The following PPP6R3 variants were observed in gnomAD, a reference collection of about 807,000 sequenced individuals.
PPP6R3 encodes protein phosphatase 6 regulatory subunit 3.
PPP6R3 carries 38 observed loss-of-function variants against 110.7 expected under a neutral mutation model. That is an observed-to-expected ratio of 0.34 (90% CI 0.26 to 0.45). The LOEUF (loss-of-function observed/expected upper bound fraction) is 0.45, where lower values mean the gene tolerates loss of function less well. PPP6R3 is among the 20% of genes least tolerant of loss of function. The pLI is 1.00. For synonymous variants in PPP6R3, 369 were observed against 373.5 expected, an observed-to-expected ratio of 0.99 and a Z score of 0.14; for missense variants, 870 against 1,062.4, an observed-to-expected ratio of 0.82 and a Z score of 2.52.
chr11:68,565,630 T>G (rs2099460634), intron 9 of PPP6R3, among the ~76,000 whole-genome samples: 1 of 151,906 alleles, frequency 6.6e-6, no homozygotes, highest in South Asian at 2.1e-4. Flanking sequence ...GTGTCTTAGG[T>G]GGCCCACCCA....
At chr11:68,546,391 AG>A (rs2099349330) in intron 4 of PPP6R3, among the ~76,000 whole-genome samples, 1 of 152,202 alleles carries the variant, frequency 6.6e-6, no homozygotes, top group Non-Finnish European at 1.5e-5. Flanking sequence ...TTGGAATCCA[AG>A]TTGGCGAGCC....
At chr11:68,587,227 C>G (rs2099581637) in intron 15 of PPP6R3, 1 of 143,926 alleles carries the variant, frequency 6.9e-6, no homozygotes, top group South Asian at 2.4e-4. Context: ...CTGGTACTCT[C>G]TAGATTTGGT....
At chr11:68,505,800 T>C (rs1592190292) in intron 1 of PPP6R3, among the ~76,000 whole-genome samples, 1 of 151,964 alleles carries the variant, frequency 6.6e-6, no homozygotes, top group African/African-American at 2.4e-5. Context: ...AGCCGTAGAG[T>C]GTTTCCCTTT....
intron 14 of PPP6R3, among the ~76,000 whole-genome samples, chr11:68,576,530 A>T (rs902010622): frequency 6.6e-6 from 1 of 152,208 alleles, no homozygotes; most frequent in Non-Finnish European, 1.5e-5. Flanking sequence ...AAATTTTTTT[A>T]CCAGAATTGG....
chr11:68,511,832 T>C (rs1215530541), intron 1 of PPP6R3, among the ~76,000 whole-genome samples: 2 of 152,188 alleles, frequency 1.3e-5, no homozygotes, highest in African/African-American at 2.4e-5. Flanking sequence ...ATCACTAATT[T>C]AGCCTCAGAC....
chr11:68,497,510 G>A (rs796489414), intron 1 of PPP6R3, among the ~76,000 whole-genome samples: 33 of 151,990 alleles, frequency 2.2e-4, no homozygotes, highest in African/African-American at 6.0e-4. Context: ...ATGCTACCAC[G>A]CCTGACTGAT....
At chr11:68,579,373 A>C (rs1018558337) in intron 14 of PPP6R3, among the ~76,000 whole-genome samples, 2 of 152,236 alleles carry the variant, frequency 1.3e-5, no homozygotes, top group African/African-American at 4.8e-5. Flanking sequence ...CAGTTAACAA[A>C]ACGAAAATTT....
chr11:68,487,569 A>T (rs2098956055), intron 1 of PPP6R3, among the ~76,000 whole-genome samples: 1 of 146,164 alleles, frequency 6.8e-6, no homozygotes, highest in South Asian at 2.1e-4. Flanking sequence ...GACTGCCTCA[A>T]AAAAAAAAAA....
chr11:68,489,709 CT>C (rs561481278), intron 1 of PPP6R3, among the ~76,000 whole-genome samples: 1,543 of 140,796 alleles, frequency 0.011, 9 homozygotes, highest in African/African-American at 0.028. Context: ...AAAGTCTGTG[CT>C]TTTTTTTTTT....
chr11:68,476,865 A>G (rs926917604), intron 1 of PPP6R3, among the ~76,000 whole-genome samples: 2 of 151,670 alleles, frequency 1.3e-5, no homozygotes, highest in African/African-American at 4.9e-5. Flanking sequence ...CTACATATAT[A>G]TATTTTTTTA....
rs1226809375 is a variant in PPP6R3, at chr11:68,567,070, G to C, written c.1032G>C (p.Arg344=). ...TGGATCCTCCTGTGGGGAATACCCG[G>C]TTGAATGTCATTAGGTTGATATCCA... is the stretch of plus-strand genomic sequence containing the variant. The part of the protein sequence containing the change: ...GVLDPPVGNT[R]LNVIRLISSL... Residue 344 remains arginine (R), a synonymous_variant, in exon 10 of 24, where the codon CGG becomes CGC. Transcript: ENST00000393800. The C allele has an allele frequency of 6.4e-7, 1 of 1,551,574 alleles. No homozygotes were observed. Among genetic ancestry groups the C allele is most frequent in the African/African-American group, 1.4e-5 (1 of 73,144 alleles).
At chr11:68,534,382 T>TA (rs561980032) in intron 2 of PPP6R3, among the ~76,000 whole-genome samples, 2 of 152,202 alleles carry the variant, frequency 1.3e-5, no homozygotes, top group Admixed American at 1.3e-4. Flanking sequence ...AAACAACCCT[T>TA]AAAAAATGTC....
chr11:68,554,591 C>T (rs183623094), intron 7 of PPP6R3, among the ~76,000 whole-genome samples: 42 of 152,252 alleles, frequency 2.8e-4, no homozygotes, highest in Admixed American at 3.3e-4. Context: ...TGTGTAAGTA[C>T]GAATGTTGTG....
intron 5 of PPP6R3, 49 bp downstream of exon 5, chr11:68,548,253 G>A: frequency 6.2e-7 from 1 of 1,604,630 alleles, no homozygotes; most frequent in South Asian, 1.1e-5. Context: ...GTGCTGGCAT[G>A]TGAGCCCACC....
chr11:68,561,041 C>T (rs1315431149), intron 8 of PPP6R3, among the ~76,000 whole-genome samples: 7 of 151,292 alleles, frequency 4.6e-5, no homozygotes, highest in Non-Finnish European at 7.4e-5. Context: ...GGACTACAGG[C>T]GCCCGCCACT....
intron 1 of PPP6R3, among the ~76,000 whole-genome samples, chr11:68,468,365 G>A (rs992461561): frequency 6.6e-6 from 1 of 152,156 alleles, no homozygotes; most frequent in African/African-American, 2.4e-5. Context: ...ATTGCCTTTG[G>A]ACAATGGACA....
At chr11:68,553,999 A>G (rs1396425855) in intron 6 of PPP6R3, 146 bp from the exon 7 acceptor site, 1 of 596,026 alleles carries the variant, frequency 1.7e-6, no homozygotes, top group Non-Finnish European at 2.9e-6. Context: ...TTGTGATGTG[A>G]TCTCTCTTGG....
intron 21 of PPP6R3, among the ~76,000 whole-genome samples, chr11:68,602,761 C>T (rs1275021358): frequency 6.6e-6 from 1 of 152,148 alleles, no homozygotes; most frequent in Non-Finnish European, 1.5e-5. Context: ...CACTGATCCC[C>T]TTTCCTGGAT....
intron 1 of PPP6R3, among the ~76,000 whole-genome samples, chr11:68,473,669 A>T (rs1234571804): frequency 6.6e-6 from 1 of 152,176 alleles, no homozygotes; most frequent in Non-Finnish European, 1.5e-5. Flanking sequence ...CTCCAGGTAG[A>T]TGGTGTTGGA....
Sources: gnomAD v4.1 joint callset for allele counts (sites outside exome capture counted in the v4.1 genomes callset) on GRCh38, gnomAD v4.1.1 for gene constraint, MANE v1.5 for transcripts, NCBI Gene and HGNC (gene_info 2026-07-23, HGNC 2026-07-21) for gene names.